RYR3: variants seen among roughly 807,000 people sequenced by gnomAD.
RYR3 encodes the protein brain ryanodine receptor-calcium release channel.
In RYR3, 207 loss-of-function variants were observed where a neutral mutation model predicts 584.3. That is an observed-to-expected ratio of 0.35 (90% CI 0.32 to 0.40). The LOEUF is 0.40. Ranked by LOEUF, RYR3 falls within the 10% of genes least tolerant of loss-of-function variation. The pLI is 1.00. For missense variants in RYR3, 5,616 were observed against 6,089.2 expected (o/e 0.92, Z 2.59); for synonymous variants, 2,416 against 2,248.5 (o/e 1.07, Z -2.11).
At chr15:33,317,219 C>G (rs111417997) in intron 1 of RYR3, among the ~76,000 whole-genome samples, 1 of 152,160 alleles carries the variant, frequency 6.6e-6, no homozygotes, top group African/African-American at 2.4e-5. Flanking sequence ...TTCTTTCGCT[C>G]AAAGCACTGG....
intron 53 of RYR3, among the ~76,000 whole-genome samples, chr15:33,747,447 A>G (rs146438403): frequency 0.014 from 1,591 of 114,478 alleles, 21 homozygotes; most frequent in Middle Eastern, 0.058. Context: ...TTTTTGAGAC[A>G]GAGTTTCACT....
chr15:33,864,214 C>G lies in RYR3; in HGVS notation c.14517+25C>G, dbSNP rs59611174. 10,334 of 1,573,198 alleles carry G rather than the reference C, an allele frequency of 6.6e-3. 620 individuals carry two copies. In the African/African-American group the frequency reaches 0.12, roughly 19 times the overall value. ...GGTGAGAAATTAAGAATCATATACC[C>G]GTGTTAGATCTCCCTTTCCTAAATC... On this transcript the variant is annotated intron_variant, in intron 103 of 103. Coordinates refer to ENST00000634891, the MANE Select transcript of RYR3 (RefSeq NM_001036.6).
intron 1 of RYR3, among the ~76,000 whole-genome samples, chr15:33,461,008 G>C (rs1247720364): frequency 1.4e-5 from 2 of 141,990 alleles, no homozygotes; most frequent in Non-Finnish European, 3.0e-5. Context: ...GCAGTGGCGT[G>C]ATCTTGGCTC....
In RYR3 at chr15:33,827,243, G is replaced by A. The variant is rs371537692; in HGVS notation, c.11290G>A (p.Val3764Met). Residue 3764 changes from valine to methionine, a missense_variant, in exon 85 of 104, where the codon GTG becomes ATG. Physicochemically the swap from Val to Met is conservative, Grantham distance 21. This residue lies in a region of RYR3 where 954 missense variants were observed against 1,132.2 expected (regional missense o/e 0.84). Coordinates refer to ENST00000634891, the MANE Select transcript of RYR3 (RefSeq NM_001036.6). ...GACTCAGATGGGCAACACCACCACC[G>A]TGAATGTCATCATCAGCACTGTGGA... ...LRTQMGNTTTVNVIISTVDYL... is the reference protein window; with the variant it reads ...LRTQMGNTTTMNVIISTVDYL... 9.7e-6 allele frequency: 15 copies of A among 1,552,652 alleles called. No homozygotes were observed. The highest frequency in any genetic ancestry group is 5.9e-5 in the South Asian group (5 of 84,072).
At chr15:33,704,382 A>G (rs1053553295) in intron 42 of RYR3, among the ~76,000 whole-genome samples, 1 of 152,220 alleles carries the variant, frequency 6.6e-6, no homozygotes. Flanking sequence ...AAACGGAGTA[A>G]GTGAAAATGA....
chr15:33,864,812 G>A lies in RYR3; in HGVS notation c.14518-319G>A, dbSNP rs1009408306. On this transcript the variant is annotated intron_variant, in intron 103 of 103. Transcript: ENST00000634891. The stretch of plus-strand genomic sequence containing the variant: ...TAAACGTTCCCTCAAGCATTCCTCC[G>A]TCTTCCACCAGCGGCATGGAATCAG... 8 of 264,098 alleles carry A rather than the reference G, an allele frequency of 3.0e-5. No homozygotes were observed. In the South Asian group the frequency reaches 3.7e-4, roughly 12 times the overall value. The allele number at this position is 264,098 out of a possible 1,614,324, so 16.4% of individuals were successfully genotyped here.
intron 16 of RYR3, among the ~76,000 whole-genome samples, chr15:33,587,654 T>C (rs996884894): frequency 6.6e-6 from 1 of 152,220 alleles, no homozygotes; most frequent in African/African-American, 2.4e-5. Context: ...ATTCTGGTAA[T>C]GTAAAAGTTG....
At chr15:33,503,040 C>T (rs867473388) in intron 2 of RYR3, among the ~76,000 whole-genome samples, 1 of 152,196 alleles carries the variant, frequency 6.6e-6, no homozygotes, top group Non-Finnish European at 1.5e-5. Context: ...TAACTGGTCA[C>T]TGTTAACTGA....
chr15:33,859,814 A>C, intron 100 of RYR3, 83 bp downstream of exon 100: 1 of 1,378,628 alleles, frequency 7.3e-7, no homozygotes, highest in African/African-American at 1.4e-5. Context: ...TAATTGGTTT[A>C]TGAAGAAGCG....
chr15:33,330,073 G>A (rs1970197444), intron 1 of RYR3, among the ~76,000 whole-genome samples: 1 of 152,156 alleles, frequency 6.6e-6, no homozygotes, highest in African/African-American at 2.4e-5. Context: ...ACAGTCATAA[G>A]TCAGACTGGA....
chr15:33,652,535 G>A (rs1248528671), intron 31 of RYR3, among the ~76,000 whole-genome samples, 183 bp from the exon 32 acceptor site: 1 of 152,200 alleles, frequency 6.6e-6, no homozygotes, highest in Non-Finnish European at 1.5e-5. Flanking sequence ...TGAGTGGTTT[G>A]TGTCTGAGTA....
Position 33,389,399 on chromosome 15 carries a change from A to C in RYR3, c.51+78303A>C, listed in dbSNP as rs182194423. Among the ~76,000 whole-genome samples the C allele has an allele frequency of 1.3e-4, 20 of 152,348 alleles. No individual in the cohort carries two copies. In the East Asian group the frequency reaches 3.7e-3, roughly 28 times the overall value. On this transcript the variant is annotated intron_variant, in intron 1 of 103. Coordinates refer to ENST00000634891, the MANE Select transcript of RYR3 (RefSeq NM_001036.6). Reference sequence around the variant, plus strand: ...ATATGGAGATGATCAGTAGAAAATTAAAAACAGGGACATTTAAATAAAAGT... The same window carrying C: ...ATATGGAGATGATCAGTAGAAAATTCAAAACAGGGACATTTAAATAAAAGT...
intron 38 of RYR3, 77 bp from the exon 39 acceptor site, chr15:33,696,141 G>A (rs1596203544): frequency 7.2e-7 from 1 of 1,386,806 alleles, no homozygotes; most frequent in South Asian, 1.3e-5. Context: ...TCTTCTATTT[G>A]CATGAAGTGG....
intron 64 of RYR3, 79 bp downstream of exon 64, chr15:33,773,694 C>A (rs1257790874): frequency 5.3e-6 from 5 of 938,160 alleles, no homozygotes; most frequent in Non-Finnish European, 8.4e-6. Context: ...TTAATGATAT[C>A]ATTTCAATCC....
Position 33,672,288 on chromosome 15 carries a change from G to T in RYR3, c.5860+1732G>T, listed in dbSNP as rs554988220. The stretch of plus-strand genomic sequence containing the variant: ...TGGTGTTCGGGCACCAAGGATTGCA[G>T]TCTGCAGCCCCGCTACCTCAGGCCT... On this transcript the variant is annotated intron_variant, in intron 38 of 103. Coordinates refer to ENST00000634891, the MANE Select transcript of RYR3 (RefSeq NM_001036.6). Among the ~76,000 whole-genome samples the T allele has an allele frequency of 1.5e-3, 233 of 152,274 alleles. 1 individual carries two copies. The highest frequency in any genetic ancestry group is 5.3e-3 in the African/African-American group (222 of 41,540).
chr15:33,727,696 G>A (rs1052711839), intron 46 of RYR3, among the ~76,000 whole-genome samples: 2 of 152,122 alleles, frequency 1.3e-5, no homozygotes, highest in Non-Finnish European at 2.9e-5. Flanking sequence ...TCCTGGGCAG[G>A]ACGAGAGTCT....
chr15:33,826,642 C>T (rs757987771), intron 83 of RYR3, 30 bp from the exon 84 acceptor site: 23 of 1,565,458 alleles, frequency 1.5e-5, no homozygotes, highest in Non-Finnish European at 2.0e-5. Context: ...GAAGCCAAAC[C>T]AATGCTCATC....
At chr15:33,673,488 G>C (rs984066890) in intron 38 of RYR3, among the ~76,000 whole-genome samples, 3 of 152,172 alleles carry the variant, frequency 2.0e-5, no homozygotes, top group African/African-American at 7.2e-5. Context: ...TAATGAACAA[G>C]TGAAAAAATC....
At chr15:33,435,407 A>T (rs1358120043) in intron 1 of RYR3, among the ~76,000 whole-genome samples, 1 of 152,172 alleles carries the variant, frequency 6.6e-6, no homozygotes, top group Non-Finnish European at 1.5e-5. Flanking sequence ...TCCAGTGTAT[A>T]CATTTATCAT....
Sources: allele counts gnomAD v4.1 joint callset (sites outside exome capture counted in the v4.1 genomes callset), GRCh38; gene constraint gnomAD v4.1.1; regional missense constraint gnomAD v4.1.1; transcripts MANE v1.5; gene names NCBI Gene and HGNC (gene_info 2026-07-23, HGNC 2026-07-21).